FAT3: variants seen among roughly 807,000 people sequenced by gnomAD.
FAT3 encodes the protein FAT atypical cadherin 3, also known as protocadherin Fat 3.
In FAT3, 95 loss-of-function variants were observed where a neutral mutation model predicts 310.2. That is an observed-to-expected ratio of 0.31 (90% confidence interval 0.26 to 0.36). The LOEUF (loss-of-function observed/expected upper bound fraction) is 0.36. FAT3 is among the 10% of genes least tolerant of loss of function. The pLI, the probability that FAT3 is intolerant of heterozygous loss-of-function variation, is 1.00. For missense variants in FAT3, 5,408 were observed against 5,715.6 expected (o/e 0.95, Z 1.74); for synonymous variants, 2,314 against 2,192.9 (o/e 1.06, Z -1.54).
At chr11:92,657,558 T>C (rs1942627882) in intron 3 of FAT3, among the ~76,000 whole-genome samples, 1 of 152,236 alleles carries the variant, frequency 6.6e-6, no homozygotes. Flanking sequence ...CTTTTACAAA[T>C]GATGGGATGT....
chr11:92,372,221 G>C (rs1250481216), intron 2 of FAT3, among the ~76,000 whole-genome samples: 1 of 152,076 alleles, frequency 6.6e-6, no homozygotes, highest in Non-Finnish European at 1.5e-5. Context: ...GGTACCATCT[G>C]GTCAGTGTTC....
chr11:92,774,982 T>A (rs867853151), intron 7 of FAT3, among the ~76,000 whole-genome samples: 7 of 152,124 alleles, frequency 4.6e-5, no homozygotes, highest in Non-Finnish European at 8.8e-5. Flanking sequence ...ATGAGAAGAT[T>A]TTTTTTTCTT....
At position 92,705,450 on chromosome 11, in the gene FAT3, ATGG is replaced by A. The variant is rs1297765338; in HGVS notation, c.3669+8011_3669+8013del. ...TGGTGGTGGTGATGGTGGTGGTGTG[ATGG>A]TGGTGTGATGGTGGTGGTGGTGTGA... On this transcript the variant is annotated intron_variant, in intron 4 of 27. Coordinates refer to ENST00000525166, the MANE Select transcript of FAT3 (RefSeq NM_001367949.2). 7.9e-4 allele frequency among the ~76,000 whole-genome samples: 38 copies of A among 48,160 alleles called. No homozygotes were observed. In the East Asian group the frequency reaches 0.012, roughly 16 times the overall value. The allele number at this position is 48,160 out of a possible 152,430, so 31.6% of individuals were successfully genotyped here.
chr11:92,894,625 G>A lies in FAT3; in HGVS notation c.*3512G>A, dbSNP rs1949986816. On this transcript the variant is annotated 3_prime_UTR_variant, in exon 28 of 28. Transcript: ENST00000525166. ...AGCAAGAACTTGGGAGTAATAAAAG[G>A]TGAATAAAATGCATGCTTCATTTAT... 6.6e-6 allele frequency: 1 copy of A among 152,150 alleles called. No homozygotes were observed. The highest frequency in any genetic ancestry group is 2.1e-4 in the South Asian group (1 of 4,820). The allele number at this position is 152,150 out of a possible 1,614,324, so 9.4% of individuals were successfully genotyped here. A position where few individuals can be genotyped will look rare whatever the true frequency, so the allele number is the denominator to read the frequency against.
chr11:92,622,641 A>G (rs1941139609), intron 3 of FAT3, among the ~76,000 whole-genome samples: 1 of 152,212 alleles, frequency 6.6e-6, no homozygotes, highest in South Asian at 2.1e-4. Flanking sequence ...GTCACACATC[A>G]GAAGTCATGC....
intron 2 of FAT3, among the ~76,000 whole-genome samples, chr11:92,446,562 C>G (rs901886302): frequency 1.3e-5 from 2 of 151,526 alleles, no homozygotes; most frequent in Admixed American, 1.3e-4. Flanking sequence ...AAAAAAAAAT[C>G]AAAACCACAA....
At chr11:92,635,776 G>A (rs1323107622) in intron 3 of FAT3, among the ~76,000 whole-genome samples, 2 of 152,088 alleles carry the variant, frequency 1.3e-5, no homozygotes, top group African/African-American at 4.8e-5. Context: ...CAATCTTTTT[G>A]TTAAGGGAAG....
intron 13 of FAT3, among the ~76,000 whole-genome samples, chr11:92,815,042 G>C (rs1947786838): frequency 6.6e-6 from 1 of 152,156 alleles, no homozygotes; most frequent in African/African-American, 2.4e-5. Flanking sequence ...GATAGGAAAA[G>C]TAGACCGGGC....
intron 7 of FAT3, among the ~76,000 whole-genome samples, chr11:92,781,999 G>C (rs1394938954): frequency 1.3e-5 from 2 of 152,090 alleles, no homozygotes; most frequent in African/African-American, 4.8e-5. Context: ...TCTTATTCAA[G>C]TAATCCTTTA....
intron 3 of FAT3, among the ~76,000 whole-genome samples, chr11:92,535,181 T>C (rs997111057): frequency 2.0e-5 from 3 of 152,116 alleles, no homozygotes; most frequent in Non-Finnish European, 4.4e-5. Context: ...TACTTGAGGT[T>C]ATTGTGTTGG....
intron 2 of FAT3, among the ~76,000 whole-genome samples, chr11:92,456,622 C>T (rs763416823): frequency 1.1e-4 from 16 of 152,070 alleles, no homozygotes; most frequent in Admixed American, 1.0e-3. Context: ...ATTGCTAACA[C>T]CTTGATATGT....
At chr11:92,793,466 C>G (rs927265106) in intron 9 of FAT3, among the ~76,000 whole-genome samples, 1 of 152,056 alleles carries the variant, frequency 6.6e-6, no homozygotes, top group African/African-American at 2.4e-5. Context: ...ACCTGAGTAG[C>G]AGAGTAGATG....
At chr11:92,228,702 G>A (rs2134220249) in intron 1 of FAT3, among the ~76,000 whole-genome samples, 1 of 152,226 alleles carries the variant, frequency 6.6e-6, no homozygotes, top group East Asian at 1.9e-4. Context: ...AGCTCACAAA[G>A]CATAAAGGAC....
chr11:92,680,194 C>A (rs1467616736), intron 3 of FAT3, among the ~76,000 whole-genome samples: 1 of 151,868 alleles, frequency 6.6e-6, no homozygotes. Context: ...AACCAATACC[C>A]AGAAGAGTTT....
intron 3 of FAT3, among the ~76,000 whole-genome samples, chr11:92,690,287 T>C (rs1943760876): frequency 6.6e-6 from 1 of 152,240 alleles, no homozygotes; most frequent in Non-Finnish European, 1.5e-5. Context: ...CTTCATACTT[T>C]GGTTTAAAAT....
chr11:92,325,342 G>A (rs958343676), intron 1 of FAT3, among the ~76,000 whole-genome samples: 1 of 152,182 alleles, frequency 6.6e-6, no homozygotes, highest in African/African-American at 2.4e-5. Context: ...CCCTTAGGTT[G>A]ATGGTTAAGT....
At position 92,357,778 on chromosome 11, in the gene FAT3, CA is replaced by C. The variant is rs548264998; in HGVS notation, c.3292+2375del. On this transcript the variant is annotated intron_variant, in intron 2 of 27. Transcript: ENST00000525166. Reference sequence around the variant, plus strand: ...GGTATTAGTGGCCTAGATTTTCCCACAGGTAACTTGCTACAGTGTTTCTACC... The same window carrying C: ...GGTATTAGTGGCCTAGATTTTCCCACGGTAACTTGCTACAGTGTTTCTACC... Among the ~76,000 whole-genome samples, 29 of 152,052 alleles carry C rather than the reference CA, an allele frequency of 1.9e-4. 2 individuals are homozygous for C. The South Asian group carries it at 5.6e-3, about 29-fold the overall frequency.
chr11:92,534,687 C>T (rs946467777), intron 3 of FAT3, among the ~76,000 whole-genome samples: 3 of 152,080 alleles, frequency 2.0e-5, no homozygotes, highest in African/African-American at 7.2e-5. Context: ...GAAATTTGGA[C>T]ACAGAGACAC....
intron 19 of FAT3, among the ~76,000 whole-genome samples, chr11:92,846,014 A>G (rs1351511439): frequency 6.6e-6 from 1 of 152,212 alleles, no homozygotes; most frequent in Admixed American, 6.5e-5. Flanking sequence ...ATTAGCTGCA[A>G]AGTAACTCAA....
Sources: allele counts gnomAD v4.1 joint callset (sites outside exome capture counted in the v4.1 genomes callset), GRCh38; gene constraint gnomAD v4.1.1; transcripts MANE v1.5; gene names NCBI Gene and HGNC (gene_info 2026-07-23, HGNC 2026-07-21).